Variants in SCN8A observed in about 807,000 individuals in gnomAD.
SCN8A encodes the protein sodium channel protein type 8 subunit alpha.
Under a neutral mutation model 184.1 loss-of-function variants are expected in SCN8A, and 30 were observed. That is an observed-to-expected ratio of 0.16 (90% confidence interval 0.12 to 0.22). The LOEUF (loss-of-function observed/expected upper bound fraction) is 0.22, where lower values mean the gene tolerates loss of function less well. SCN8A is among the 10% of genes least tolerant of loss of function. The pLI is 1.00. For synonymous variants in SCN8A, 852 were observed against 907.0 expected (o/e 0.94, Z 1.09); for missense variants, 1,057 against 2,498.9 (o/e 0.42, Z 12.30).
Position 51,807,531 on chromosome 12 carries a change from C to G in SCN8A, c.*102C>G. The G allele has an allele frequency of 8.0e-7, 1 of 1,246,026 alleles. No individual in the cohort carries two copies. The highest frequency in any genetic ancestry group is 1.5e-5 in the African/African-American group (1 of 66,990). The allele number at this position is 1,246,026 out of a possible 1,614,324, so 77.2% of individuals were successfully genotyped here. ...TCAATGCAGAACAGCTGTGGAGACT[C>G]TAACCTGAAGATCTATACCAAACGT... On this transcript the variant is annotated 3_prime_UTR_variant, in exon 27 of 27. Coordinates refer to ENST00000627620, the MANE Select transcript of SCN8A (RefSeq NM_001330260.2). This position sits in a 1 kb window ranked among gnomAD's most constrained non-coding sequence, Gnocchi z 4.5.
intron 25 of SCN8A, 79 bp downstream of exon 25, chr12:51,790,581 A>T (rs1023288446): frequency 8.5e-6 from 8 of 944,272 alleles, no homozygotes; most frequent in South Asian, 4.7e-5. Flanking sequence ...CAAAGGAAGG[A>T]AAAAGGTAAG....
intron 20 of SCN8A, among the ~76,000 whole-genome samples, chr12:51,777,126 G>A (rs1458333352): frequency 3.1e-4 from 47 of 152,118 alleles, no homozygotes; most frequent in Non-Finnish European, 1.5e-5. Flanking sequence ...GAGACTACTT[G>A]CCTTGGCCTG....
chr12:51,622,085 A>G (rs1419171946), intron 1 of SCN8A, among the ~76,000 whole-genome samples: 1 of 152,224 alleles, frequency 6.6e-6, no homozygotes, highest in Non-Finnish European at 1.5e-5. Context: ...TTGCAAATAA[A>G]TTTTTAATAA....
chr12:51,641,906 C>G (rs1352238800), intron 1 of SCN8A, among the ~76,000 whole-genome samples: 1 of 152,196 alleles, frequency 6.6e-6, no homozygotes, highest in Admixed American at 6.5e-5. Context: ...CACACACACT[C>G]AAATCCAATT....
At chr12:51,678,214 C>G (rs1941259066) in intron 2 of SCN8A, among the ~76,000 whole-genome samples, 1 of 152,176 alleles carries the variant, frequency 6.6e-6, no homozygotes, top group African/African-American at 2.4e-5. Context: ...CTCCTGAGAA[C>G]AGGGGATAAA....
chr12:51,689,123 C>T (rs748465431), intron 6 of SCN8A, 27 bp downstream of exon 6: 68 of 1,516,698 alleles, frequency 4.5e-5, no homozygotes, highest in Non-Finnish European at 4.9e-5. Context: ...ATAAGACTGA[C>T]TTTGCCACAT....
chr12:51,806,136 A>T lies in SCN8A; in HGVS notation c.4796-146A>T. ...AGCCCCCATGCCCAGCCAAAATGTC[A>T]CTTTTTGAGAGTTCAGACTGAATAG... On this transcript the variant is annotated intron_variant, in intron 26 of 26. Coordinates refer to ENST00000627620, the MANE Select transcript of SCN8A (RefSeq NM_001330260.2). The surrounding 1 kb of genome is among the most constrained non-coding windows in gnomAD (Gnocchi z 8.7). 1 of 721,788 alleles carries T rather than the reference A, an allele frequency of 1.4e-6. No homozygotes were observed. The highest frequency in any genetic ancestry group is 2.1e-6 in the Non-Finnish European group (1 of 481,608). The allele number at this position is 721,788 out of a possible 1,614,324, so 44.7% of individuals were successfully genotyped here.
intron 26 of SCN8A, among the ~76,000 whole-genome samples, chr12:51,802,398 G>T (rs1243187603): frequency 6.9e-6 from 1 of 145,368 alleles, no homozygotes; most frequent in African/African-American, 2.4e-5. Context: ...CTTCATCAGG[G>T]TCCTCCCACA....
chr12:51,718,112 C>T (rs1357923202), intron 11 of SCN8A, among the ~76,000 whole-genome samples: 2 of 152,082 alleles, frequency 1.3e-5, no homozygotes, highest in East Asian at 1.9e-4. Flanking sequence ...GAACCAGAAA[C>T]GGAATTGTAG....
chr12:51,688,670 A>G lies in SCN8A; in HGVS notation c.615-335A>G. On this transcript the variant is annotated intron_variant, in intron 5 of 26. Transcript: ENST00000627620. ...TTTCAAGGAAAAAAAATGAAACCAT[A>G]GCTTGTATATAAGACCCTTTCTTCC... is the stretch of plus-strand genomic sequence containing the variant. 4 of 836,478 alleles carry G rather than the reference A, an allele frequency of 4.8e-6. No homozygotes were observed. In the South Asian group the frequency reaches 6.1e-5, roughly 13 times the overall value. The allele number at this position is 836,478 out of a possible 1,614,324, so 51.8% of individuals were successfully genotyped here. A position where few individuals can be genotyped will look rare whatever the true frequency, so the allele number is the denominator to read the frequency against.
chr12:51,757,297 A>G (rs1942691007), intron 14 of SCN8A, among the ~76,000 whole-genome samples: 1 of 121,292 alleles, frequency 8.2e-6, no homozygotes, highest in South Asian at 2.6e-4. Context: ...AGGAACCATT[A>G]TTTTTCATGG....
chr12:51,620,947 A>G (rs1490265633), intron 1 of SCN8A, among the ~76,000 whole-genome samples: 1 of 152,152 alleles, frequency 6.6e-6, no homozygotes, highest in Non-Finnish European at 1.5e-5. Flanking sequence ...TGGTTACACC[A>G]CTGCATTCCA....
At chr12:51,640,212 GTTTTTTTTTTTTTTTT>G (rs57362371) in intron 1 of SCN8A, among the ~76,000 whole-genome samples, 93 of 34,764 alleles carry the variant, frequency 2.7e-3, no homozygotes, top group Non-Finnish European at 3.8e-3. Flanking sequence ...TGCCTGGCCT[GTTTTTTTTTTTTTTTT>G]TTTTTTTTTT....
At chr12:51,688,258 C>T (rs1021269026) in intron 5 of SCN8A, among the ~76,000 whole-genome samples, 1 of 152,170 alleles carries the variant, frequency 6.6e-6, no homozygotes, top group African/African-American at 2.4e-5. Context: ...GCCAAAACTT[C>T]GTTTATAGAC....
chr12:51,744,418 G>A lies in SCN8A; in HGVS notation c.1999-1485G>A, dbSNP rs373789094. 3.9e-5 allele frequency among the ~76,000 whole-genome samples: 6 copies of A among 152,280 alleles called. No homozygotes were observed. In the East Asian group the frequency reaches 1.2e-3, roughly 29 times the overall value. On this transcript the variant is annotated intron_variant, in intron 12 of 26. Coordinates refer to ENST00000627620, the MANE Select transcript of SCN8A (RefSeq NM_001330260.2). The stretch of plus-strand genomic sequence containing the variant: ...TCTCTCCTTTTTCCACAGGCAGGAA[G>A]CCTCTTCCTGTGGCCACCACCACAA...
At chr12:51,757,750 A>G (rs960668216) in intron 14 of SCN8A, among the ~76,000 whole-genome samples, 1 of 152,160 alleles carries the variant, frequency 6.6e-6, no homozygotes, top group Admixed American at 6.5e-5. Flanking sequence ...TCATGCCACT[A>G]CATTCCAGCC....
At chr12:51,735,354 A>G (rs1942307245) in intron 12 of SCN8A, among the ~76,000 whole-genome samples, 2 of 152,184 alleles carry the variant, frequency 1.3e-5, no homozygotes, top group Non-Finnish European at 2.9e-5. Context: ...TTGCAAAGCA[A>G]TCTTCCTAAA....
At chr12:51,753,719 A>G (rs1463084156) in intron 14 of SCN8A, among the ~76,000 whole-genome samples, 2 of 152,244 alleles carry the variant, frequency 1.3e-5, no homozygotes, top group Non-Finnish European at 2.9e-5. Flanking sequence ...AGATAATACC[A>G]TGCCATCACT....
At chr12:51,802,881 T>G (rs1480693464) in intron 26 of SCN8A, among the ~76,000 whole-genome samples, 1 of 152,210 alleles carries the variant, frequency 6.6e-6, no homozygotes, top group Non-Finnish European at 1.5e-5. Flanking sequence ...AGTAGAGTCC[T>G]TAGCATTTTT....
Sources: allele counts gnomAD v4.1 joint callset (sites outside exome capture counted in the v4.1 genomes callset), GRCh38; gene constraint gnomAD v4.1.1; non-coding constraint Gnocchi (gnomAD v3.1); transcripts MANE v1.5; gene names NCBI Gene and HGNC (gene_info 2026-07-23, HGNC 2026-07-21).